The following NR3C2 variants were observed in gnomAD, a reference collection of about 807,000 sequenced individuals.
NR3C2 encodes the protein nuclear receptor subfamily 3 group C member 2.
Under a neutral mutation model 86.4 loss-of-function variants are expected in NR3C2, and 15 were observed. The observed-to-expected ratio is 0.17, with a 90% CI of 0.12 to 0.27. NR3C2 has a LOEUF of 0.27. Ranked by LOEUF, NR3C2 falls within the 10% of genes least tolerant of loss-of-function variation. NR3C2 has a pLI of 1.00. For missense variants in NR3C2, 960 were observed against 1,195.6 expected (o/e 0.80, Z 2.91); for synonymous variants, 458 against 450.5 (o/e 1.02, Z -0.21).
intron 2 of NR3C2, among the ~76,000 whole-genome samples, chr4:148,278,866 T>TAA (rs1012095262): frequency 1.4e-5 from 2 of 144,020 alleles, no homozygotes; most frequent in Non-Finnish European, 1.5e-5. Flanking sequence ...TAACCACCCT[T>TAA]AAAAAAAAAA....
chr4:148,167,535 T>C (rs927159991), intron 4 of NR3C2, among the ~76,000 whole-genome samples: 1 of 152,196 alleles, frequency 6.6e-6, no homozygotes, highest in Non-Finnish European at 1.5e-5. Context: ...ATAAAGATCA[T>C]AAGGCCATGC....
chr4:148,209,922 C>T (rs1292728490), intron 3 of NR3C2, among the ~76,000 whole-genome samples: 2 of 152,214 alleles, frequency 1.3e-5, no homozygotes, highest in Admixed American at 1.3e-4. Flanking sequence ...GCTTAGGGCA[C>T]CATTGCTGCG....
chr4:148,295,721 A>G (rs575155717), intron 2 of NR3C2, among the ~76,000 whole-genome samples: 4 of 151,606 alleles, frequency 2.6e-5, no homozygotes, highest in African/African-American at 7.3e-5. Flanking sequence ...ATTAGAACCT[A>G]AGCTCAATCA....
chr4:148,082,062 CCTT>C (rs1456906970), intron 8 of NR3C2, among the ~76,000 whole-genome samples: 2 of 152,226 alleles, frequency 1.3e-5, no homozygotes, highest in Non-Finnish European at 2.9e-5. Context: ...GGCCCTCTTT[CCTT>C]CTTTGTGGGT....
intron 2 of NR3C2, among the ~76,000 whole-genome samples, chr4:148,280,182 T>C (rs1478030110): frequency 6.6e-6 from 1 of 152,196 alleles, no homozygotes; most frequent in African/African-American, 2.4e-5. Context: ...ATAAATCTAG[T>C]TTTCAACAAC....
intron 2 of NR3C2, among the ~76,000 whole-genome samples, chr4:148,321,092 G>C (rs1056621865): frequency 1.3e-4 from 20 of 150,730 alleles, no homozygotes; most frequent in African/African-American, 4.1e-4. Flanking sequence ...TGTTCTCATT[G>C]GTTTCAAAGA....
chr4:148,300,746 A>G (rs1033686044), intron 2 of NR3C2, among the ~76,000 whole-genome samples: 3 of 151,906 alleles, frequency 2.0e-5, no homozygotes, highest in Non-Finnish European at 2.9e-5. Context: ...CTACTTTTGT[A>G]TTTTTAGTAG....
At chr4:148,325,318 A>G (rs1418107646) in intron 2 of NR3C2, among the ~76,000 whole-genome samples, 1 of 152,224 alleles carries the variant, frequency 6.6e-6, no homozygotes, top group African/African-American at 2.4e-5. Flanking sequence ...ACATATTACA[A>G]TTCACCAAAA....
intron 3 of NR3C2, among the ~76,000 whole-genome samples, chr4:148,205,962 T>C (rs1475552906): frequency 2.0e-5 from 3 of 152,148 alleles, no homozygotes; most frequent in East Asian, 3.9e-4. Context: ...ATGTGTAGAA[T>C]TGAGAAAGAG....
intron 2 of NR3C2, among the ~76,000 whole-genome samples, chr4:148,333,121 A>T (rs1434284659): frequency 6.6e-6 from 1 of 151,906 alleles, no homozygotes; most frequent in Non-Finnish European, 1.5e-5. Context: ...GAAAAAAAAA[A>T]TTAGCCAGGC....
intron 2 of NR3C2, among the ~76,000 whole-genome samples, chr4:148,283,426 T>C (rs1218061471): frequency 4.6e-5 from 7 of 152,208 alleles, no homozygotes; most frequent in Non-Finnish European, 1.0e-4. Flanking sequence ...AAAGAACCTA[T>C]TGATAAAGGA....
chr4:148,230,272 C>A (rs1299193543), intron 3 of NR3C2, among the ~76,000 whole-genome samples: 1 of 152,192 alleles, frequency 6.6e-6, no homozygotes, highest in Non-Finnish European at 1.5e-5. Context: ...TGGCTCACTG[C>A]AACCTCCGCC....
chr4:148,319,951 G>A lies in NR3C2; in HGVS notation c.1758-59834C>T, dbSNP rs376351752. 4.1e-5 allele frequency among the ~76,000 whole-genome samples: 6 copies of A among 145,846 alleles called. No individual in the cohort carries two copies. In the East Asian group the frequency reaches 1.0e-3, roughly 25 times the overall value. On this transcript the variant is annotated intron_variant, in intron 2 of 8. Coordinates refer to ENST00000358102, the MANE Select transcript of NR3C2 (RefSeq NM_000901.5). ...TGGTGAGAGAGGGCATCCCTGTCTT[G>A]TGCCAGTTTTCAAAGGGAATGCTTC...
At chr4:148,216,601 A>C (rs1737550501) in intron 3 of NR3C2, among the ~76,000 whole-genome samples, 1 of 152,208 alleles carries the variant, frequency 6.6e-6, no homozygotes, top group African/African-American at 2.4e-5. Context: ...CCTTACTGGA[A>C]ACTTTTCAAA....
intron 2 of NR3C2, among the ~76,000 whole-genome samples, chr4:148,388,688 C>T (rs1747391698): frequency 6.6e-6 from 1 of 152,122 alleles, no homozygotes; most frequent in Admixed American, 6.6e-5. Context: ...CAATCTATTT[C>T]TTAAAATTGT....
intron 2 of NR3C2, among the ~76,000 whole-genome samples, chr4:148,422,220 C>T (rs1429300077): frequency 1.3e-5 from 2 of 151,744 alleles, no homozygotes; most frequent in African/African-American, 4.8e-5. Flanking sequence ...ATTTCTACCA[C>T]ATATAGAAAG....
chr4:148,142,801 C>G (rs544831011), intron 6 of NR3C2, among the ~76,000 whole-genome samples: 1 of 152,148 alleles, frequency 6.6e-6, no homozygotes, highest in African/African-American at 2.4e-5. Context: ...TGCCCAGCCT[C>G]GGGGTGGATT....
chr4:148,250,739 A>G (rs974861286), intron 3 of NR3C2, among the ~76,000 whole-genome samples: 13 of 152,190 alleles, frequency 8.5e-5, no homozygotes, highest in Admixed American at 2.0e-4. Flanking sequence ...TTGGCAAACT[A>G]ATCTCTGAAG....
At chr4:148,435,056 A>G in intron 2 of NR3C2, 48 bp downstream of exon 2, 10 of 1,555,478 alleles carry the variant, frequency 6.4e-6, no homozygotes, top group Non-Finnish European at 8.9e-6. Flanking sequence ...CTAACCTTCA[A>G]CATGTATAAA....
Sources: allele counts gnomAD v4.1 joint callset (sites outside exome capture counted in the v4.1 genomes callset), GRCh38; gene constraint gnomAD v4.1.1; transcripts MANE v1.5; gene names NCBI Gene and HGNC (gene_info 2026-07-23, HGNC 2026-07-21).